ZBTB20: variants seen among roughly 807,000 people sequenced by gnomAD.
ZBTB20 encodes the protein zinc finger and BTB domain-containing protein 20.
Under a neutral mutation model 56.9 loss-of-function variants are expected in ZBTB20, and 9 were observed. The observed-to-expected ratio is 0.16, with a 90% CI of 0.10 to 0.28. The LOEUF (loss-of-function observed/expected upper bound fraction) is 0.28. Among genes scored for constraint, ZBTB20 ranks in the 10% least tolerant of loss-of-function variants. ZBTB20 has a pLI of 1.00. For missense variants in ZBTB20, 655 were observed against 1,003.0 expected, an observed-to-expected ratio of 0.65 and a Z score of 4.69; for synonymous variants, 417 against 420.7, an observed-to-expected ratio of 0.99 and a Z score of 0.11.
chr3:115,101,450 C>G (rs2083579630), intron 1 of ZBTB20, among the ~76,000 whole-genome samples: 1 of 152,128 alleles, frequency 6.6e-6, no homozygotes, highest in South Asian at 2.1e-4. Context: ...GCCCTTTCTC[C>G]TGTAAGTGAT....
At chr3:114,481,089 A>G (rs79046149) in intron 7 of ZBTB20, among the ~76,000 whole-genome samples, 3,222 of 152,174 alleles carry the variant, frequency 0.021, 101 homozygotes, top group East Asian at 0.1. Context: ...ATAGTCTGAA[A>G]TCTGTTTCAT....
chr3:114,806,618 C>G (rs1017770846), intron 4 of ZBTB20, among the ~76,000 whole-genome samples: 12 of 151,786 alleles, frequency 7.9e-5, no homozygotes, highest in African/African-American at 2.9e-4. Context: ...ATCCTAATTA[C>G]CAAGGATTTT....
At chr3:115,104,949 T>A (rs1472229325) in intron 1 of ZBTB20, among the ~76,000 whole-genome samples, 1 of 152,120 alleles carries the variant, frequency 6.6e-6, no homozygotes, top group Non-Finnish European at 1.5e-5. Context: ...AGGCTGTGCA[T>A]GTGTGAAGGC....
chr3:115,133,210 C>A (rs561886189), intron 1 of ZBTB20, among the ~76,000 whole-genome samples: 1 of 152,080 alleles, frequency 6.6e-6, no homozygotes, highest in African/African-American at 2.4e-5. Flanking sequence ...CTTCTTAGGT[C>A]AATTTTTATC....
At chr3:115,009,198 TA>T (rs1336287854) in intron 2 of ZBTB20, among the ~76,000 whole-genome samples, 1 of 151,952 alleles carries the variant, frequency 6.6e-6, no homozygotes, top group Non-Finnish European at 1.5e-5. Flanking sequence ...TGTTCTGTAT[TA>T]TTTTTACAGT....
chr3:114,651,150 G>A (rs529293190), intron 6 of ZBTB20, among the ~76,000 whole-genome samples: 1 of 152,008 alleles, frequency 6.6e-6, no homozygotes, highest in Non-Finnish European at 1.5e-5. Context: ...AAATAACTCA[G>A]CCAGGTTAAT....
chr3:115,059,418 T>C (rs1259904448), intron 2 of ZBTB20, among the ~76,000 whole-genome samples: 1 of 152,184 alleles, frequency 6.6e-6, no homozygotes, highest in East Asian at 1.9e-4. Flanking sequence ...TTATCCTTTT[T>C]GGGATCTCAT....
chr3:114,674,903 A>G (rs2061544842), intron 6 of ZBTB20, among the ~76,000 whole-genome samples: 1 of 151,774 alleles, frequency 6.6e-6, no homozygotes, highest in Admixed American at 6.6e-5. Flanking sequence ...GTTCTGGTAT[A>G]GTTTTCTGCC....
chr3:115,137,297 T>C (rs2084676992), intron 1 of ZBTB20, among the ~76,000 whole-genome samples: 1 of 152,066 alleles, frequency 6.6e-6, no homozygotes, highest in Non-Finnish European at 1.5e-5. Context: ...TTTTTAAGTT[T>C]TTAGTACCTT....
At position 114,510,328 on chromosome 3, in the gene ZBTB20, G is replaced by T. The variant is rs543638655; in HGVS notation, c.-294-9937C>A. 4.6e-5 allele frequency among the ~76,000 whole-genome samples: 7 copies of T among 152,192 alleles called. No homozygotes were observed. In the East Asian group the frequency reaches 9.7e-4, roughly 21 times the overall value. On this transcript the variant is annotated intron_variant, in intron 6 of 11. Coordinates refer to ENST00000675478, the MANE Select transcript of ZBTB20 (RefSeq NM_001348800.3). ...GCCCAAAGTACTCACTGCATGAAAG[G>T]GTTCCTTTCTTGTTTCCAAAGGCAA...
At chr3:114,969,597 T>A (rs973654784) in intron 3 of ZBTB20, among the ~76,000 whole-genome samples, 2 of 152,296 alleles carry the variant, frequency 1.3e-5, no homozygotes, top group African/African-American at 4.8e-5. Context: ...ATTATAATAG[T>A]GTTATAAACA....
At chr3:114,532,573 T>TA (rs1161359507) in intron 6 of ZBTB20, among the ~76,000 whole-genome samples, 1 of 152,146 alleles carries the variant, frequency 6.6e-6, no homozygotes, top group Non-Finnish European at 1.5e-5. Flanking sequence ...TCAGCAGACT[T>TA]AAACGTTCCC....
intron 4 of ZBTB20, among the ~76,000 whole-genome samples, chr3:114,865,646 G>T (rs894667102): frequency 3.9e-5 from 6 of 152,044 alleles, no homozygotes; most frequent in Non-Finnish European, 8.8e-5. Flanking sequence ...TTGTTGCAAA[G>T]CCATGCTATC....
At position 114,942,646 on chromosome 3, in the gene ZBTB20, A is replaced by G. The variant is rs1466366090; in HGVS notation, c.-456+31720T>C. On this transcript the variant is annotated intron_variant, in intron 3 of 11. Transcript: ENST00000675478. ...TATTAAAGATGAATAAAATGAAATTATTTTAAAAACTGTTTGAAGGCACCA... is the reference window on the plus strand; with the variant it reads ...TATTAAAGATGAATAAAATGAAATTGTTTTAAAAACTGTTTGAAGGCACCA... 3.4e-5 allele frequency among the ~76,000 whole-genome samples: 5 copies of G among 146,002 alleles called. 2 individuals carry two copies. Among genetic ancestry groups the G allele is most frequent in the African/African-American group, 1.4e-4 (5 of 35,964 alleles).
chr3:114,791,966 G>A (rs1041925277), intron 5 of ZBTB20: 2 of 152,150 alleles, frequency 1.3e-5, no homozygotes, highest in Non-Finnish European at 2.9e-5. Flanking sequence ...AGAGAACGGT[G>A]CTTTCAAATT....
chr3:114,799,381 G>A (rs990757650), intron 5 of ZBTB20, among the ~76,000 whole-genome samples: 1 of 151,914 alleles, frequency 6.6e-6, no homozygotes, highest in Admixed American at 6.6e-5. Context: ...GAAGTGTAAA[G>A]TCAATGAGGT....
At chr3:114,627,104 C>G (rs765273975) in intron 6 of ZBTB20, among the ~76,000 whole-genome samples, 9 of 152,150 alleles carry the variant, frequency 5.9e-5, no homozygotes, top group Non-Finnish European at 1.2e-4. Context: ...CACTCTTTTC[C>G]AACTCTACTC....
intron 11 of ZBTB20, among the ~76,000 whole-genome samples, chr3:114,341,435 C>T (rs73860005): frequency 0.07 from 10,636 of 152,254 alleles, 824 homozygotes; most frequent in African/African-American, 0.2. Context: ...TCATTTAAAA[C>T]ATGTCCACCT....
intron 6 of ZBTB20, among the ~76,000 whole-genome samples, chr3:114,598,137 T>C (rs2056468592): frequency 6.6e-6 from 1 of 152,134 alleles, no homozygotes; most frequent in African/African-American, 2.4e-5. Context: ...TCTGTCATTT[T>C]AGACTGTAAA....
Sources: allele counts gnomAD v4.1 joint callset (sites outside exome capture counted in the v4.1 genomes callset), GRCh38; gene constraint gnomAD v4.1.1; transcripts MANE v1.5; gene names NCBI Gene and HGNC (gene_info 2026-07-23, HGNC 2026-07-21).